Variants in DPYD observed in about 807,000 individuals in gnomAD.
DPYD encodes the protein dihydropyrimidine dehydrogenase [NADP(+)].
Under a neutral mutation model 116.2 loss-of-function variants are expected in DPYD, and 109 were observed. The ratio of observed to expected loss-of-function variants is 0.94; its 90% confidence interval spans 0.80 to 1.10. The LOEUF is 1.10. Among genes scored for constraint, DPYD ranks in the 50% least tolerant of loss-of-function variants. DPYD has a pLI of 0.00. For missense variants in DPYD, 1,302 were observed against 1,254.5 expected (o/e 1.04, Z -0.57); for synonymous variants, 440 against 432.0 (o/e 1.02, Z -0.23).
At chr1:97,366,654 A>G (rs1382366222) in intron 16 of DPYD, among the ~76,000 whole-genome samples, 2 of 152,148 alleles carry the variant, frequency 1.3e-5, no homozygotes, top group Non-Finnish European at 2.9e-5. Flanking sequence ...ATTCAGGATA[A>G]TTCTCCACAT....
intron 13 of DPYD, among the ~76,000 whole-genome samples, chr1:97,484,973 C>T (rs1281899576): frequency 6.6e-6 from 1 of 152,102 alleles, no homozygotes; most frequent in Non-Finnish European, 1.5e-5. Flanking sequence ...TAAGCCATCT[C>T]TTTTCTTTCT....
At chr1:97,521,891 C>T (rs1000989234) in intron 12 of DPYD, among the ~76,000 whole-genome samples, 1 of 152,124 alleles carries the variant, frequency 6.6e-6, no homozygotes, top group African/African-American at 2.4e-5. Context: ...TTCCTTACAC[C>T]TTATACAAAA....
chr1:97,603,467 A>G (rs1655390737), intron 8 of DPYD, among the ~76,000 whole-genome samples: 1 of 152,092 alleles, frequency 6.6e-6, no homozygotes, highest in Non-Finnish European at 1.5e-5. Context: ...ATCGACATAC[A>G]TAACGGAAAA....
intron 20 of DPYD, among the ~76,000 whole-genome samples, chr1:97,154,040 G>C (rs906261241): frequency 6.6e-6 from 1 of 150,968 alleles, no homozygotes; most frequent in Admixed American, 6.6e-5. Flanking sequence ...CTTTTGCACT[G>C]TTGGTAGGAA....
At chr1:97,782,029 T>C (rs1447828526) in intron 3 of DPYD, among the ~76,000 whole-genome samples, 1 of 152,138 alleles carries the variant, frequency 6.6e-6, no homozygotes, top group Non-Finnish European at 1.5e-5. Flanking sequence ...TATTCTTTGG[T>C]AAATCTCTTA....
At chr1:97,699,625 G>T in intron 5 of DPYD, 78 bp from the exon 6 acceptor site, 3 of 1,412,618 alleles carry the variant, frequency 2.1e-6, no homozygotes, top group South Asian at 1.2e-5. Flanking sequence ...TGTTTCAAAC[G>T]AATTCTTGTT....
chr1:97,788,245 A>C (rs1047674888), intron 3 of DPYD, among the ~76,000 whole-genome samples: 3 of 152,184 alleles, frequency 2.0e-5, no homozygotes, highest in African/African-American at 7.2e-5. Flanking sequence ...AATGACCTAT[A>C]AAATGATGGC....
At chr1:97,899,725 T>C (rs1025360074) in intron 1 of DPYD, among the ~76,000 whole-genome samples, 1 of 151,950 alleles carries the variant, frequency 6.6e-6, no homozygotes, top group African/African-American at 2.4e-5. Flanking sequence ...GTAATTTCTT[T>C]ACTCACTTTT....
At chr1:97,206,687 T>TATATATATATATATATATAA (rs539927395) in intron 19 of DPYD, among the ~76,000 whole-genome samples, 1 of 71,584 alleles carries the variant, frequency 1.4e-5, no homozygotes, top group African/African-American at 4.3e-5. Flanking sequence ...TATATATATA[T>TATATATATATATATATATAA]AATCTATATG....
intron 20 of DPYD, among the ~76,000 whole-genome samples, chr1:97,126,806 G>T (rs1396725322): frequency 6.6e-6 from 1 of 152,122 alleles, no homozygotes; most frequent in African/African-American, 2.4e-5. Flanking sequence ...CGTGTCTTTT[G>T]CACATGATTT....
chr1:97,275,597 G>A (rs1405272528), intron 18 of DPYD, among the ~76,000 whole-genome samples: 1 of 152,076 alleles, frequency 6.6e-6, no homozygotes, highest in Non-Finnish European at 1.5e-5. Flanking sequence ...TAGAAATTTT[G>A]AAATTTCTAA....
chr1:97,764,697 A>G lies in DPYD; in HGVS notation c.234-24218T>C, dbSNP rs115177918. Among the ~76,000 whole-genome samples, 3 of 152,080 alleles carry G rather than the reference A, an allele frequency of 2.0e-5. No individual in the cohort carries two copies. The South Asian group carries it at 6.2e-4, about 32-fold the overall frequency. ...TTTTTCCTAAGAATAAACTTTAACA[A>G]TACTTTATTATGATCTGAAATGCTG... On this transcript the variant is annotated intron_variant, in intron 3 of 22. Coordinates refer to ENST00000370192, the MANE Select transcript of DPYD (RefSeq NM_000110.4).
Position 97,098,811 on chromosome 1 carries a change from G to A in DPYD, c.2623-179C>T, listed in dbSNP as rs980939574. 4.6e-5 allele frequency among the ~76,000 whole-genome samples: 7 copies of A among 151,992 alleles called. No homozygotes were observed. In the East Asian group the frequency reaches 7.7e-4, roughly 17 times the overall value. On this transcript the variant is annotated intron_variant, in intron 20 of 22. Coordinates refer to ENST00000370192, the MANE Select transcript of DPYD (RefSeq NM_000110.4). Reference sequence around the variant, plus strand: ...ACTAGTCTTCTCGGTATCAGGTTCCGTTAATTATTAAAAAGAACACAACAG... The same window carrying A: ...ACTAGTCTTCTCGGTATCAGGTTCCATTAATTATTAAAAAGAACACAACAG...
intron 10 of DPYD, among the ~76,000 whole-genome samples, chr1:97,584,521 T>A (rs1348803697): frequency 6.6e-6 from 1 of 152,154 alleles, no homozygotes; most frequent in African/African-American, 2.4e-5. Context: ...CTAGGTCTTC[T>A]TCCAGGGTTT....
chr1:97,556,840 G>C (rs1651760538), intron 11 of DPYD, among the ~76,000 whole-genome samples: 1 of 151,028 alleles, frequency 6.6e-6, no homozygotes, highest in Admixed American at 6.6e-5. Context: ...CTTTATAGCA[G>C]CATGATTTAT....
intron 12 of DPYD, chr1:97,546,480 G>A (rs1475847448): frequency 6.2e-7 from 1 of 1,604,200 alleles, no homozygotes; most frequent in African/African-American, 1.3e-5. Flanking sequence ...CTGATAGAGA[G>A]CAAGATGAAA....
rs1362617066 is a variant in DPYD at position 97,737,693 on chromosome 1, A to G, written c.321+2699T>C. The stretch of plus-strand genomic sequence containing the variant: ...TACATTTCTGCTTTTCTGCTTTGTA[A>G]CAGCTGTAATATGTGTGTGTGTTTG... On this transcript the variant is annotated intron_variant, in intron 4 of 22. Transcript: ENST00000370192. Among the ~76,000 whole-genome samples, 14 of 152,202 alleles carry G rather than the reference A, an allele frequency of 9.2e-5. No homozygotes were observed. In the South Asian group the frequency reaches 2.9e-3, roughly 32 times the overall value.
intron 13 of DPYD, among the ~76,000 whole-genome samples, chr1:97,483,581 C>A (rs781383910): frequency 1.7e-4 from 26 of 152,080 alleles, no homozygotes; most frequent in Non-Finnish European, 3.2e-4. Context: ...TTAGGTGCAG[C>A]AAACCACCAT....
At chr1:97,674,118 T>A (rs772994677) in intron 8 of DPYD, among the ~76,000 whole-genome samples, 1 of 152,140 alleles carries the variant, frequency 6.6e-6, no homozygotes, top group Non-Finnish European at 1.5e-5. Context: ...TTTTGTTGTG[T>A]GAACAGTGGT....
Sources: gnomAD v4.1 joint callset for allele counts (sites outside exome capture counted in the v4.1 genomes callset) on GRCh38, gnomAD v4.1.1 for gene constraint, MANE v1.5 for transcripts, NCBI Gene and HGNC (gene_info 2026-07-23, HGNC 2026-07-21) for gene names.